Variants in IL6R observed in about 807,000 individuals in gnomAD.
IL6R encodes interleukin-6 receptor subunit alpha.
A neutral mutation model predicts 48.3 loss-of-function variants in IL6R; 38 were observed. That is an observed-to-expected ratio of 0.79 (90% CI 0.61 to 1.03). The LOEUF (loss-of-function observed/expected upper bound fraction) is 1.03, where lower values mean the gene tolerates loss of function less well. Among genes scored for constraint, IL6R ranks in the 50% least tolerant of loss-of-function variants. The pLI is 0.00. For missense variants in IL6R, 534 were observed against 618.3 expected, an observed-to-expected ratio of 0.86 and a Z score of 1.45; for synonymous variants, 264 against 256.2, an observed-to-expected ratio of 1.03 and a Z score of -0.29.
chr1:154,456,499 A>G (rs55900922), intron 9 of IL6R, among the ~76,000 whole-genome samples: 8,174 of 152,032 alleles, frequency 0.054, 742 homozygotes, highest in African/African-American at 0.19. Context: ...GAGCCACTGC[A>G]CCCGGCCTCA....
At chr1:154,445,586 T>A (rs1558321928) in intron 6 of IL6R, among the ~76,000 whole-genome samples, 1 of 151,958 alleles carries the variant, frequency 6.6e-6, no homozygotes, top group African/African-American at 2.4e-5. Flanking sequence ...CCGTCTCTAC[T>A]AAAAATACAA....
chr1:154,408,609 C>T (rs144660363), intron 1 of IL6R, among the ~76,000 whole-genome samples: 1 of 152,250 alleles, frequency 6.6e-6, no homozygotes, highest in East Asian at 1.9e-4. Context: ...TGACCCTCAT[C>T]TCCAGCCCTC....
chr1:154,433,349 G>A (rs953113942), intron 3 of IL6R, among the ~76,000 whole-genome samples: 3 of 152,180 alleles, frequency 2.0e-5, no homozygotes, highest in Non-Finnish European at 4.4e-5. Context: ...TCCAGGCCAG[G>A]TGGGATGGTG....
Position 154,468,246 on chromosome 1 carries a change from C to T in IL6R, c.*2866C>T, listed in dbSNP as rs576277808. On this transcript the variant is annotated 3_prime_UTR_variant, in exon 10 of 10. Transcript: ENST00000368485. ...GTGACTGAACATGTGTCTCAATGCACGGGGCATTTCTACCTGTGTTTCTGC... is the reference window on the plus strand; with the variant it reads ...GTGACTGAACATGTGTCTCAATGCATGGGGCATTTCTACCTGTGTTTCTGC... 21 of 152,292 alleles carry T rather than the reference C, an allele frequency of 1.4e-4. No homozygotes were observed. Among genetic ancestry groups the T allele is most frequent in the African/African-American group, 4.1e-4 (17 of 41,538 alleles). The allele number at this position is 152,292 out of a possible 1,614,324, so 9.4% of individuals were successfully genotyped here. A position where few individuals can be genotyped will look rare whatever the true frequency, so the allele number is the denominator to read the frequency against.
intron 8 of IL6R, chr1:154,454,261 G>T: frequency 1.8e-6 from 1 of 563,430 alleles, no homozygotes; most frequent in Non-Finnish European, 3.2e-6. Context: ...CTGGAATCTA[G>T]AGTGGGCTTT....
chr1:154,429,396 T>G lies in IL6R; in HGVS notation c.286T>G (p.Cys96Gly). The change falls in exon 2 of 10, where the codon TGC becomes GGC. Residue 96 changes from cysteine (C) to glycine (G), a missense_variant. Coordinates refer to ENST00000368485, the MANE Select transcript of IL6R (RefSeq NM_000565.4). ...GCTCCACGACTCTGGAAACTATTCA[T>G]GCTACCGGGCCGGCCGCCCAGCTGG... Reference protein sequence around the residue: ...VQLHDSGNYSCYRAGRPAGTV... With the variant: ...VQLHDSGNYSGYRAGRPAGTV... The G allele has an allele frequency of 6.2e-7, 1 of 1,613,942 alleles. No individual in the cohort carries two copies. The highest frequency in any genetic ancestry group is 2.2e-5 in the East Asian group (1 of 44,878).
At chr1:154,447,434 A>C (rs1570986411) in intron 6 of IL6R, among the ~76,000 whole-genome samples, 1 of 67,790 alleles carries the variant, frequency 1.5e-5, no homozygotes, top group South Asian at 4.3e-4. Flanking sequence ...GTGAAACTCC[A>C]TCTCAAAAAA....
At chr1:154,416,210 A>G (rs72698126) in intron 1 of IL6R, among the ~76,000 whole-genome samples, 3,824 of 151,902 alleles carry the variant, frequency 0.025, 76 homozygotes, top group African/African-American at 0.055. Flanking sequence ...GCTCACTGCA[A>G]CCTTGAACTC....
intron 6 of IL6R, among the ~76,000 whole-genome samples, chr1:154,445,357 G>T (rs1690159832): frequency 6.6e-6 from 1 of 152,146 alleles, no homozygotes; most frequent in Non-Finnish European, 1.5e-5. Context: ...AGGTTACTGG[G>T]CATTCTCTGG....
At chr1:154,414,297 G>C in intron 1 of IL6R, 2 of 698,152 alleles carry the variant, frequency 2.9e-6, no homozygotes. Context: ...CACCTTTATT[G>C]GAGGAAACCT....
intron 6 of IL6R, among the ~76,000 whole-genome samples, chr1:154,444,462 C>G (rs1690104844): frequency 6.6e-6 from 1 of 152,220 alleles, no homozygotes; most frequent in Non-Finnish European, 1.5e-5. Context: ...CCACCTCGGC[C>G]TCCCAAAGTG....
chr1:154,413,763 A>C (rs551107651), intron 1 of IL6R, among the ~76,000 whole-genome samples: 6 of 146,184 alleles, frequency 4.1e-5, no homozygotes. Context: ...AACATGTCAT[A>C]CATGACTTTT....
In IL6R at chr1:154,429,816, T is replaced by G. The variant is rs146789611; in HGVS notation, c.334+372T>G. ...TTTTATTACCTTACCTTAGAGTTGT[T>G]GCAAAGGGGGTGTATGTGAATTTGC... On this transcript the variant is annotated intron_variant, in intron 2 of 9. Transcript: ENST00000368485. Among the ~76,000 whole-genome samples the G allele has an allele frequency of 1.6e-3, 239 of 152,262 alleles. 1 individual carries two copies. The highest frequency in any genetic ancestry group is 5.4e-3 in the African/African-American group (226 of 41,534).
At chr1:154,458,606 G>C (rs1691056829) in intron 9 of IL6R, among the ~76,000 whole-genome samples, 1 of 152,030 alleles carries the variant, frequency 6.6e-6, no homozygotes, top group South Asian at 2.1e-4. Context: ...TGCGATAACA[G>C]CTAGTAAGAA....
chr1:154,453,415 C>T (rs1019635722), intron 8 of IL6R, among the ~76,000 whole-genome samples: 2 of 152,182 alleles, frequency 1.3e-5, no homozygotes, highest in South Asian at 4.1e-4. Flanking sequence ...TGGCAGGCAG[C>T]CTCTTCGTCA....
chr1:154,416,982 T>A (rs1433115824), intron 1 of IL6R, among the ~76,000 whole-genome samples: 1 of 152,166 alleles, frequency 6.6e-6, no homozygotes, highest in Non-Finnish European at 1.5e-5. Context: ...TCCACGTGAC[T>A]TCTTAAATCT....
Position 154,435,060 on chromosome 1 carries a change from C to T in IL6R, c.711C>T (p.Thr237=), listed in dbSNP as rs1440785408. The stretch of plus-strand genomic sequence containing the variant: ...GAAACCCCCGCTGGCTCAGTGTCAC[C>T]TGGCAAGACCCCCACTCCTGGAACT... ...VARNPRWLSV[T]WQDPHSWNSS... Residue 237 remains threonine, a synonymous_variant, in exon 5 of 10, where the codon ACC becomes ACT. Coordinates refer to ENST00000368485, the MANE Select transcript of IL6R (RefSeq NM_000565.4). 1.2e-6 allele frequency: 2 copies of T among 1,614,152 alleles called. No homozygotes were observed. Among genetic ancestry groups the T allele is most frequent in the Non-Finnish European group, 1.7e-6 (2 of 1,179,984 alleles).
At chr1:154,413,566 T>C (rs1688162442) in intron 1 of IL6R, among the ~76,000 whole-genome samples, 1 of 152,264 alleles carries the variant, frequency 6.6e-6, no homozygotes, top group Non-Finnish European at 1.5e-5. Context: ...TAACCTGGTA[T>C]CTACACAGAC....
chr1:154,424,230 A>G (rs1416740389), intron 1 of IL6R, among the ~76,000 whole-genome samples: 1 of 152,194 alleles, frequency 6.6e-6, no homozygotes, highest in African/African-American at 2.4e-5. Context: ...AACATGCCCT[A>G]TATTCAACAA....
Sources: allele counts gnomAD v4.1 joint callset (sites outside exome capture counted in the v4.1 genomes callset), GRCh38; gene constraint gnomAD v4.1.1; transcripts MANE v1.5; gene names NCBI Gene and HGNC (gene_info 2026-07-23, HGNC 2026-07-21).